Variants in AKAP13 observed in about 807,000 individuals in gnomAD.
The protein encoded by AKAP13 is A-kinase anchor protein 13.
Under a neutral mutation model 264.5 loss-of-function variants are expected in AKAP13, and 80 were observed. The observed-to-expected ratio is 0.30, with a 90% CI of 0.25 to 0.36. The LOEUF (loss-of-function observed/expected upper bound fraction) is 0.36. AKAP13 is among the 10% of genes least tolerant of loss of function. The pLI is 1.00. For missense variants in AKAP13, 3,712 were observed against 3,435.2 expected (o/e 1.08, Z -2.01); for synonymous variants, 1,380 against 1,250.2 (o/e 1.10, Z -2.19).
chr15:85,447,035 G>A (rs867217145), intron 1 of AKAP13, among the ~76,000 whole-genome samples: 11 of 152,248 alleles, frequency 7.2e-5, no homozygotes, highest in Middle Eastern at 3.4e-3. Flanking sequence ...TTGGGAGGCC[G>A]AGGCCAGGAG....
At chr15:85,657,350 G>A (rs918453072) in intron 11 of AKAP13, among the ~76,000 whole-genome samples, 1 of 152,066 alleles carries the variant, frequency 6.6e-6, no homozygotes, top group East Asian at 1.9e-4. Flanking sequence ...ACAAGACAAA[G>A]TCCCTGCCTG....
At chr15:85,673,176 T>C (rs1597005660) in intron 14 of AKAP13, among the ~76,000 whole-genome samples, 1 of 152,180 alleles carries the variant, frequency 6.6e-6, no homozygotes, top group East Asian at 1.9e-4. Context: ...ACAGACAAAC[T>C]TGTAGCATTA....
chr15:85,399,063 A>C (rs1191589583), intron 1 of AKAP13, among the ~76,000 whole-genome samples: 1 of 152,210 alleles, frequency 6.6e-6, no homozygotes, highest in Non-Finnish European at 1.5e-5. Flanking sequence ...TGTTAGGGCA[A>C]ATGGTGTACA....
chr15:85,380,963 C>A (rs1449493309), intron 1 of AKAP13, among the ~76,000 whole-genome samples, 165 bp downstream of exon 1: 1 of 152,100 alleles, frequency 6.6e-6, no homozygotes, highest in Non-Finnish European at 1.5e-5. Context: ...GGTCGCCGGG[C>A]GGCGCCGGGA....
intron 5 of AKAP13, chr15:85,555,445 TAA>T: frequency 2.3e-6 from 3 of 1,289,024 alleles, no homozygotes; most frequent in Non-Finnish European, 3.0e-6. Flanking sequence ...AAGCCAAAAC[TAA>T]AAGAGGATGG....
chr15:85,640,009 A>G (rs1470759198), intron 9 of AKAP13, among the ~76,000 whole-genome samples: 3 of 152,310 alleles, frequency 2.0e-5, no homozygotes, highest in East Asian at 1.9e-4. Context: ...TCCTAACAAC[A>G]CTTGAGGGTA....
In AKAP13 at chr15:85,746,155, A is replaced by G. The variant is rs565956006; in HGVS notation, c.*1478A>G. The G allele has an allele frequency of 2.0e-5, 3 of 152,734 alleles. No individual in the cohort carries two copies. The East Asian group carries it at 5.8e-4, about 29-fold the overall frequency. 9.5% of individuals were successfully genotyped at this position (152,734 alleles called of 1,614,324 possible). On this transcript the variant is annotated 3_prime_UTR_variant, in exon 37 of 37. Transcript: ENST00000394518. The stretch of plus-strand genomic sequence containing the variant: ...TCGGAAGCATGGGGCTTTTGAGCAC[A>G]CTTAAAAAAAGAAAAATCTGTAACT...
intron 1 of AKAP13, among the ~76,000 whole-genome samples, chr15:85,427,087 C>T (rs2072820286): frequency 6.6e-6 from 1 of 151,436 alleles, no homozygotes; most frequent in Admixed American, 6.6e-5. Flanking sequence ...TCCCGAATAG[C>T]TGGGACTACA....
intron 17 of AKAP13, among the ~76,000 whole-genome samples, chr15:85,703,853 A>T (rs56195271): frequency 0.3 from 42,186 of 142,400 alleles, 6,804 homozygotes; most frequent in Middle Eastern, 0.48. Context: ...AAAAAAAAAA[A>T]ATATATATAT....
chr15:85,529,818 T>G (rs2077192005), intron 3 of AKAP13, among the ~76,000 whole-genome samples: 1 of 152,242 alleles, frequency 6.6e-6, no homozygotes, highest in African/African-American at 2.4e-5. Context: ...CAGGAAACCC[T>G]GAGTTCCCCA....
chr15:85,446,517 T>C (rs576146540), intron 1 of AKAP13, among the ~76,000 whole-genome samples: 79 of 152,268 alleles, frequency 5.2e-4, no homozygotes, highest in African/African-American at 1.8e-3. Context: ...AATTAGGTTA[T>C]GGAGCTTAGA....
chr15:85,644,108 C>T (rs1297618445), intron 9 of AKAP13, among the ~76,000 whole-genome samples: 1 of 152,120 alleles, frequency 6.6e-6, no homozygotes, highest in Non-Finnish European at 1.5e-5. Flanking sequence ...TCCTAGATAG[C>T]CAGGTTTCTT....
chr15:85,464,479 C>A (rs540249096), intron 1 of AKAP13, among the ~76,000 whole-genome samples: 58 of 152,292 alleles, frequency 3.8e-4, no homozygotes, highest in African/African-American at 7.2e-4. Flanking sequence ...CTTCCACATT[C>A]ATATTTATTC....
intron 8 of AKAP13, among the ~76,000 whole-genome samples, chr15:85,595,642 G>A (rs544468219): frequency 3.9e-5 from 6 of 152,244 alleles, no homozygotes; most frequent in South Asian, 4.1e-4. Context: ...ACCACAGGTG[G>A]TATCAATAGT....
intron 5 of AKAP13, among the ~76,000 whole-genome samples, chr15:85,559,904 C>G (rs974209083): frequency 6.6e-6 from 1 of 151,988 alleles, no homozygotes; most frequent in Non-Finnish European, 1.5e-5. Context: ...CTTAGATGCT[C>G]TAAGTCATCT....
At chr15:85,619,308 T>G (rs1314507624) in intron 8 of AKAP13, 9 of 956,450 alleles carry the variant, frequency 9.4e-6, no homozygotes, top group Non-Finnish European at 1.1e-5. Flanking sequence ...GTGACGTTCT[T>G]GAGAGAGAAG....
intron 1 of AKAP13, among the ~76,000 whole-genome samples, chr15:85,474,989 G>C (rs1198779475): frequency 6.6e-6 from 1 of 152,138 alleles, no homozygotes; most frequent in Non-Finnish European, 1.5e-5. Context: ...ATTTGTCCAG[G>C]TAAGGTCATC....
Position 85,718,898 on chromosome 15 carries a change from TAA to T in AKAP13, c.6002-169_6002-168del. On this transcript the variant is annotated intron_variant, in intron 22 of 36. Transcript: ENST00000394518. This position sits in a 1 kb window ranked among gnomAD's most constrained non-coding sequence, Gnocchi z 4.9. The stretch of plus-strand genomic sequence containing the variant: ...TGGGTGACAGAGCCAGAACCTGTCT[TAA>T]AAAAAAAACAAAAAAACAAAAAAAC... 6.8e-6 allele frequency: 5 copies of T among 729,996 alleles called. No homozygotes were observed. The highest frequency in any genetic ancestry group is 3.3e-5 in the East Asian group (1 of 30,316). 45.2% of individuals were successfully genotyped at this position (729,996 alleles called of 1,614,324 possible).
chr15:85,574,251 G>T (rs1393934628), intron 5 of AKAP13, among the ~76,000 whole-genome samples: 2 of 152,202 alleles, frequency 1.3e-5, no homozygotes, highest in African/African-American at 4.8e-5. Context: ...ATGATTGTGT[G>T]CCTCATCCCT....
Sources: allele counts gnomAD v4.1 joint callset (sites outside exome capture counted in the v4.1 genomes callset), GRCh38; gene constraint gnomAD v4.1.1; non-coding constraint Gnocchi (gnomAD v3.1); transcripts MANE v1.5; gene names NCBI Gene and HGNC (gene_info 2026-07-23, HGNC 2026-07-21).